LHPP: variants seen among roughly 807,000 people sequenced by gnomAD.
The protein encoded by LHPP is hLHPP.
Under a neutral mutation model 30.3 loss-of-function variants are expected in LHPP, and 24 were observed. The observed-to-expected ratio is 0.79, with a 90% CI of 0.57 to 1.11. The LOEUF (loss-of-function observed/expected upper bound fraction) is 1.11, where lower values mean the gene tolerates loss of function less well. LHPP is among the 50% of genes most tolerant of loss of function. The probability of loss-of-function intolerance (pLI) is 0.00; values close to 1 mark genes in which losing one functional copy is unlikely to be tolerated. For synonymous variants in LHPP, 150 were observed against 157.1 expected, an observed-to-expected ratio of 0.95 and a Z score of 0.34; for missense variants, 356 against 367.2, an observed-to-expected ratio of 0.97 and a Z score of 0.25.
intron 6 of LHPP, among the ~76,000 whole-genome samples, chr10:124,589,828 C>G (rs981124363): frequency 6.6e-5 from 10 of 152,194 alleles, no homozygotes; most frequent in African/African-American, 2.4e-4. Flanking sequence ...TGGAAGGCCC[C>G]CTGCGTGCAG....
intron 1 of LHPP, among the ~76,000 whole-genome samples, chr10:124,465,269 G>A (rs1352970793): frequency 2.0e-5 from 3 of 152,154 alleles, no homozygotes; most frequent in South Asian, 2.1e-4. Context: ...TGGCGAGTTC[G>A]AGGGCGTGGG....
rs1395445023 is a variant in LHPP, at chr10:124,496,954, C to G, written c.468-7C>G. On this transcript the variant is annotated splice_polypyrimidine_tract_variant and splice_region_variant and intron_variant, in intron 3 of 6. Transcript: ENST00000368842. This position sits in a 1 kb window ranked among gnomAD's most constrained non-coding sequence, Gnocchi z 4.3. ...AGCATCCCGTGCTCCGTTCTGCTCTCTCCTAGGCGTTACTACAAGGAGACC... is the reference window on the plus strand; with the variant it reads ...AGCATCCCGTGCTCCGTTCTGCTCTGTCCTAGGCGTTACTACAAGGAGACC... The G allele has an allele frequency of 1.2e-6, 2 of 1,613,808 alleles. No individual in the cohort carries two copies. Among genetic ancestry groups the G allele is most frequent in the East Asian group, 2.2e-5 (1 of 44,882 alleles).
At chr10:124,565,248 T>C (rs1948468911) in intron 6 of LHPP, among the ~76,000 whole-genome samples, 1 of 152,076 alleles carries the variant, frequency 6.6e-6, no homozygotes, top group African/African-American at 2.4e-5. Context: ...AAATAATTTT[T>C]TGGTTGCAGT....
At position 124,506,650 on chromosome 10, in the gene LHPP, A is replaced by AGGGTAGGGAGGATTTCAGGTTGGG. The variant is rs1406910532; in HGVS notation, c.624+8532_624+8555dup. Among the ~76,000 whole-genome samples the AGGGTAGGGAGGATTTCAGGTTGGG allele has an allele frequency of 4.6e-4, 47 of 103,012 alleles. 2 individuals carry two copies. The highest frequency in any genetic ancestry group is 1.9e-3 in the African/African-American group (44 of 22,720). 67.6% of individuals were successfully genotyped at this position (103,012 alleles called of 152,430 possible). On this transcript the variant is annotated intron_variant, in intron 5 of 6. Transcript: ENST00000368842. ...AGCAGAATTTCTTAGGGAGGTGGGG[A>AGGGTAGGGAGGATTTCAGGTTGGG]GGGTAGGGAGGATTTCAGGTTGGGG...
Position 124,462,062 on chromosome 10 carries a change from C to T in LHPP, c.125+75C>T, listed in dbSNP as rs1159622970. ...CCGCTCCCTGGCTGCCGGCAGGGGGCGGGGCGGCAGGGGGCGGGGCCGCGG... is the reference window on the plus strand; with the variant it reads ...CCGCTCCCTGGCTGCCGGCAGGGGGTGGGGCGGCAGGGGGCGGGGCCGCGG... On this transcript the variant is annotated intron_variant, in intron 1 of 6. Transcript: ENST00000368842. 1.6e-5 allele frequency: 19 copies of T among 1,153,870 alleles called. 1 individual carries two copies. The East Asian group carries it at 6.1e-4, about 37-fold the overall frequency. 71.5% of individuals were successfully genotyped at this position (1,153,870 alleles called of 1,614,324 possible).
chr10:124,484,450 G>A (rs895739190), intron 2 of LHPP, 124 bp downstream of exon 2: 2 of 936,762 alleles, frequency 2.1e-6, no homozygotes, highest in Admixed American at 2.7e-5. Context: ...CAACACTCAT[G>A]GGTTGGGGGT....
chr10:124,525,894 G>A (rs1478716288), intron 6 of LHPP, among the ~76,000 whole-genome samples: 2 of 152,214 alleles, frequency 1.3e-5, no homozygotes, highest in East Asian at 1.9e-4. Context: ...GGTGCCGCCT[G>A]TGGGAAAACC....
At chr10:124,589,881 G>A (rs1948857289) in intron 6 of LHPP, among the ~76,000 whole-genome samples, 1 of 152,142 alleles carries the variant, frequency 6.6e-6, no homozygotes, top group Non-Finnish European at 1.5e-5. Context: ...AGTTCATTAT[G>A]TCTCAGCGCG....
chr10:124,494,977 G>A (rs1564787855), intron 3 of LHPP, among the ~76,000 whole-genome samples: 1 of 152,132 alleles, frequency 6.6e-6, no homozygotes, highest in Non-Finnish European at 1.5e-5. Flanking sequence ...CCCAGGACCC[G>A]GTGTCCCCTC....
chr10:124,484,125 C>T lies in LHPP; in HGVS notation c.126-14C>T. 6.2e-7 allele frequency: 1 copy of T among 1,612,268 alleles called. No homozygotes were observed. Among genetic ancestry groups the T allele is most frequent in the South Asian group, 1.1e-5 (1 of 90,852 alleles). On this transcript the variant is annotated splice_polypyrimidine_tract_variant and intron_variant, in intron 1 of 6. Coordinates refer to ENST00000368842, the MANE Select transcript of LHPP (RefSeq NM_022126.4). ...ACGTGCTGACTTCCCGGGCCTGTGTCTCCCCTGCCGCAGACTGAAGCGTTC... is the reference window on the plus strand; with the variant it reads ...ACGTGCTGACTTCCCGGGCCTGTGTTTCCCCTGCCGCAGACTGAAGCGTTC...
At chr10:124,505,298 T>G (rs1564795555) in intron 5 of LHPP, among the ~76,000 whole-genome samples, 1 of 152,258 alleles carries the variant, frequency 6.6e-6, no homozygotes, top group Non-Finnish European at 1.5e-5. Context: ...CCTGGCTTTT[T>G]TATTTTTAAT....
At chr10:124,556,313 T>C (rs976370373) in intron 6 of LHPP, among the ~76,000 whole-genome samples, 7 of 152,212 alleles carry the variant, frequency 4.6e-5, no homozygotes, top group African/African-American at 1.7e-4. Flanking sequence ...CTCTTCCCAG[T>C]GCCCAGTTCC....
intron 6 of LHPP, among the ~76,000 whole-genome samples, chr10:124,591,498 A>G (rs933687623): frequency 6.6e-6 from 1 of 152,148 alleles, no homozygotes; most frequent in Non-Finnish European, 1.5e-5. Context: ...CCATGCAGGT[A>G]GAGAACAACA....
chr10:124,483,043 C>T (rs4962607), intron 1 of LHPP, among the ~76,000 whole-genome samples: 15,314 of 151,986 alleles, frequency 0.1, 1,100 homozygotes, highest in Middle Eastern at 0.17. Context: ...TCATTTGGTG[C>T]GTTCTGAGAA....
intron 6 of LHPP, among the ~76,000 whole-genome samples, chr10:124,572,981 T>C (rs973801504): frequency 4.6e-5 from 7 of 152,234 alleles, no homozygotes; most frequent in Non-Finnish European, 8.8e-5. Context: ...CATGTATCAG[T>C]GTGCATGGAG....
chr10:124,602,481 C>G (rs9783260), intron 6 of LHPP, among the ~76,000 whole-genome samples: 14,721 of 152,292 alleles, frequency 0.097, 750 homozygotes, highest in Admixed American at 0.14. Context: ...TTGTGGGCAG[C>G]AGGCAGGCCT....
At chr10:124,554,148 T>C (rs1948244906) in intron 6 of LHPP, 1 of 693,272 alleles carries the variant, frequency 1.4e-6, no homozygotes, top group Non-Finnish European at 1.8e-6. Flanking sequence ...TAGAGGTTTT[T>C]CAACCTAAGA....
chr10:124,601,469 G>A (rs150420849), intron 6 of LHPP, among the ~76,000 whole-genome samples: 191 of 152,284 alleles, frequency 1.3e-3, no homozygotes, highest in African/African-American at 3.9e-3. Context: ...AGCCAGGATT[G>A]GGGGTTCAAG....
intron 6 of LHPP, among the ~76,000 whole-genome samples, chr10:124,540,853 A>G (rs2133944345): frequency 6.6e-6 from 1 of 152,248 alleles, no homozygotes; most frequent in Middle Eastern, 3.4e-3. Flanking sequence ...CGGGAGTTGG[A>G]TCCAGAGGAA....
Sources: allele counts gnomAD v4.1 joint callset (sites outside exome capture counted in the v4.1 genomes callset), GRCh38; gene constraint gnomAD v4.1.1; non-coding constraint Gnocchi (gnomAD v3.1); transcripts MANE v1.5; gene names NCBI Gene and HGNC (gene_info 2026-07-23, HGNC 2026-07-21).